SUGCT: variants seen among roughly 807,000 people sequenced by gnomAD.
SUGCT encodes succinyl-CoA:glutarate-CoA transferase.
A neutral mutation model predicts 55.0 loss-of-function variants in SUGCT; 41 were observed. The ratio of observed to expected loss-of-function variants is 0.74; its 90% CI spans 0.58 to 0.97. The LOEUF is 0.97. SUGCT is among the 50% of genes least tolerant of loss of function. The pLI is 0.00. For synonymous variants in SUGCT, 187 were observed against 200.4 expected, an observed-to-expected ratio of 0.93 and a Z score of 0.56; for missense variants, 568 against 547.8, an observed-to-expected ratio of 1.04 and a Z score of -0.37.
chr7:40,949,310 T>A, the SUGCT span, among the ~76,000 whole-genome samples: 3 of 152,312 alleles, frequency 2.0e-5, no homozygotes, highest in Admixed American at 6.5e-5. Context: ...TTGTTTGTTT[T>A]TTTCTTGTAA....
chr7:40,496,953 G>T (rs920642989), intron 12 of SUGCT, among the ~76,000 whole-genome samples: 1 of 152,036 alleles, frequency 6.6e-6, no homozygotes, highest in African/African-American at 2.4e-5. Flanking sequence ...TGCTTATCAG[G>T]CTCCTTTTTG....
At chr7:40,575,304 C>T (rs1796677779) in intron 12 of SUGCT, among the ~76,000 whole-genome samples, 1 of 152,118 alleles carries the variant, frequency 6.6e-6, no homozygotes, top group Admixed American at 6.5e-5. Context: ...TATCACTTCT[C>T]TGATTTAATT....
In SUGCT at chr7:40,580,525, C is replaced by T. The variant is rs759397273; in HGVS notation, c.1089+84139C>T. On this transcript the variant is annotated intron_variant, in intron 12 of 13. Transcript: ENST00000335693. Reference sequence around the variant, plus strand: ...TATTTAACATTGCATCTCCCAAAACCCAGGCCATCCTGTGAAAAGTCAAAC... The same window carrying T: ...TATTTAACATTGCATCTCCCAAAACTCAGGCCATCCTGTGAAAAGTCAAAC... Among the ~76,000 whole-genome samples, 46 of 152,216 alleles carry T rather than the reference C, an allele frequency of 3.0e-4. 1 individual carries two copies. Among genetic ancestry groups the T allele is most frequent in the Non-Finnish European group, 5.6e-4 (38 of 68,022 alleles).
At chr7:40,501,005 G>A (rs1792252647) in intron 12 of SUGCT, among the ~76,000 whole-genome samples, 1 of 151,970 alleles carries the variant, frequency 6.6e-6, no homozygotes, top group Non-Finnish European at 1.5e-5. Flanking sequence ...GCCCTCAGAG[G>A]GTTATACAAG....
chr7:40,778,600 C>G (rs1789578495), intron 13 of SUGCT, among the ~76,000 whole-genome samples: 1 of 152,222 alleles, frequency 6.6e-6, no homozygotes, highest in Admixed American at 6.5e-5. Flanking sequence ...GAAAGGAACC[C>G]TGGCATCCTG....
rs569220664 is a variant in SUGCT, at chr7:40,514,499, A to G, written c.1089+18113A>G. On this transcript the variant is annotated intron_variant, in intron 12 of 13. Transcript: ENST00000335693. ...CGAGGAGGCTGGATCATCTGAGGTC[A>G]GGAGTTCAAGACCAACCTGACCAAC... 3.9e-5 allele frequency among the ~76,000 whole-genome samples: 6 copies of G among 152,260 alleles called. No individual in the cohort carries two copies. The South Asian group carries it at 1.2e-3, about 32-fold the overall frequency.
chr7:40,738,153 C>T lies in SUGCT; in HGVS notation c.1090-11281C>T, dbSNP rs192821215. On this transcript the variant is annotated intron_variant, in intron 12 of 13. Transcript: ENST00000335693. ...CAGAGGTTGCAGTGAGCCAAGATCA[C>T]AGCACTGCACTCCAGCCTGGGTGAG... 2.0e-3 allele frequency among the ~76,000 whole-genome samples: 274 copies of T among 139,380 alleles called. 2 individuals carry two copies. The highest frequency in any genetic ancestry group is 6.7e-3 in the African/African-American group (250 of 37,534). The allele number at this position is 139,380 out of a possible 152,430, so 91.4% of individuals were successfully genotyped here. A position where few individuals can be genotyped will look rare whatever the true frequency, so the allele number is the denominator to read the frequency against.
chr7:40,284,007 A>C (rs1446843405), intron 8 of SUGCT, among the ~76,000 whole-genome samples: 1 of 152,342 alleles, frequency 6.6e-6, no homozygotes, highest in Admixed American at 6.5e-5. Context: ...GCAACAAGAC[A>C]TATGAACCTG....
the SUGCT span, among the ~76,000 whole-genome samples, chr7:40,989,116 A>C: frequency 0.014 from 2,171 of 152,276 alleles, 46 homozygotes; most frequent in African/African-American, 0.049. Context: ...TGCTAAAAAA[A>C]ATACTCAAGA....
intron 12 of SUGCT, among the ~76,000 whole-genome samples, chr7:40,736,490 A>G (rs1787172727): frequency 1.3e-5 from 2 of 151,772 alleles, no homozygotes; most frequent in African/African-American, 4.8e-5. Flanking sequence ...TGGATTCAGT[A>G]AAAATTAAAT....
chr7:40,757,774 A>C (rs1788329470), intron 13 of SUGCT, among the ~76,000 whole-genome samples: 1 of 152,174 alleles, frequency 6.6e-6, no homozygotes, highest in African/African-American at 2.4e-5. Context: ...GAAGAGTAAA[A>C]GGCTAAATGA....
At chr7:40,166,004 C>T (rs1003756520) in intron 1 of SUGCT, among the ~76,000 whole-genome samples, 2 of 152,156 alleles carry the variant, frequency 1.3e-5, no homozygotes, top group Admixed American at 6.5e-5. Context: ...CGCCTGTAAT[C>T]CCAGCTACTC....
At chr7:40,548,186 C>CTTTTTTTTTTTTTTTTTTT (rs1186226631) in intron 12 of SUGCT, among the ~76,000 whole-genome samples, 5 of 104,990 alleles carry the variant, frequency 4.8e-5, no homozygotes, top group African/African-American at 1.1e-4. Flanking sequence ...TTCTTTCTTT[C>CTTTTTTTTTTTTTTTTTTT]TTTTTTTTTT....
Position 40,449,192 on chromosome 7 carries a change from T to C in SUGCT, c.817-95T>C. 3 of 776,186 alleles carry C rather than the reference T, an allele frequency of 3.9e-6. No homozygotes were observed. The South Asian group carries it at 5.3e-5, about 14-fold the overall frequency. The allele number at this position is 776,186 out of a possible 1,614,324, so 48.1% of individuals were successfully genotyped here. On this transcript the variant is annotated intron_variant, in intron 9 of 13. Transcript: ENST00000335693. Reference sequence around the variant, plus strand: ...CGATATTGAATTAATAACATTGCTTTAGAACAAGCTTTCTATATAGATATT... The same window carrying C: ...CGATATTGAATTAATAACATTGCTTCAGAACAAGCTTTCTATATAGATATT...
chr7:40,826,474 G>C (rs1282564234), intron 13 of SUGCT, among the ~76,000 whole-genome samples: 1 of 152,202 alleles, frequency 6.6e-6, no homozygotes, highest in Non-Finnish European at 1.5e-5. Flanking sequence ...AACAGCTGGT[G>C]AAGAAATCAG....
chr7:40,782,832 GA>G (rs1237106554), intron 13 of SUGCT: 6 of 152,216 alleles, frequency 3.9e-5, no homozygotes, highest in Admixed American at 2.6e-4. Context: ...CAATAATAAA[GA>G]TTCTTTTTAT....
chr7:40,818,097 A>T (rs542269814), intron 13 of SUGCT, among the ~76,000 whole-genome samples: 1 of 152,370 alleles, frequency 6.6e-6, no homozygotes, highest in Non-Finnish European at 1.5e-5. Context: ...GCCAGGCCTC[A>T]TAAAGAATGG....
chr7:40,138,073 T>G (rs1405530531), intron 1 of SUGCT, among the ~76,000 whole-genome samples: 1 of 152,178 alleles, frequency 6.6e-6, no homozygotes, highest in African/African-American at 2.4e-5. Flanking sequence ...GTCAGGGCCT[T>G]CAGTGCATCC....
At chr7:40,531,245 C>CTTAG (rs946106250) in intron 12 of SUGCT, among the ~76,000 whole-genome samples, 10 of 152,278 alleles carry the variant, frequency 6.6e-5, no homozygotes, top group Admixed American at 5.2e-4. Context: ...AGATCATGCA[C>CTTAG]TATCTAAACC....
Sources: gnomAD v4.1 joint callset for allele counts (sites outside exome capture counted in the v4.1 genomes callset) on GRCh38, gnomAD v4.1.1 for gene constraint, MANE v1.5 for transcripts, NCBI Gene and HGNC (gene_info 2026-07-23, HGNC 2026-07-21) for gene names.